IQSEC3: variants seen among roughly 807,000 people sequenced by gnomAD.
The protein encoded by IQSEC3 is IQ motif and SEC7 domain-containing protein 3.
A neutral mutation model predicts 105.4 loss-of-function variants in IQSEC3; 50 were observed. That is an observed-to-expected ratio of 0.47 (90% CI 0.38 to 0.60). IQSEC3 has a LOEUF of 0.60. Ranked by LOEUF, IQSEC3 falls within the 20% of genes least tolerant of loss-of-function variation. IQSEC3 has a pLI of 0.00. For missense variants in IQSEC3, 1,415 were observed against 1,630.0 expected (o/e 0.87, Z 2.27); for synonymous variants, 708 against 746.0 (o/e 0.95, Z 0.83).
chr12:160,392 A>T (rs1398681188), intron 7 of IQSEC3, among the ~76,000 whole-genome samples: 4 of 151,962 alleles, frequency 2.6e-5, no homozygotes, highest in African/African-American at 7.3e-5. Context: ...GTATCTGGAG[A>T]TATTTTTTTC....
rs556246768 is a variant in IQSEC3 at position 151,579 on chromosome 12, A to G, written c.2154-5446A>G. On this transcript the variant is annotated intron_variant, in intron 5 of 13. Transcript: ENST00000538872. Reference sequence around the variant, plus strand: ...CTCTGCCATTCATTTTCTCTCCAACAGCCAGGGAAATCTTCTTAGAACAAA... The same window carrying G: ...CTCTGCCATTCATTTTCTCTCCAACGGCCAGGGAAATCTTCTTAGAACAAA... 9.0e-4 allele frequency among the ~76,000 whole-genome samples: 137 copies of G among 152,134 alleles called. 1 individual carries two copies. The highest frequency in any genetic ancestry group is 1.6e-3 in the Non-Finnish European group (111 of 68,018).
intron 1 of IQSEC3, among the ~76,000 whole-genome samples, chr12:90,066 C>T (rs1555072998): frequency 2.0e-5 from 3 of 152,236 alleles, no homozygotes; most frequent in African/African-American, 7.2e-5. Flanking sequence ...GTGCTCCGCA[C>T]CCTTGTCAAC....
intron 1 of IQSEC3, among the ~76,000 whole-genome samples, chr12:86,623 G>A (rs782036978): frequency 8.5e-5 from 13 of 152,102 alleles, no homozygotes; most frequent in Admixed American, 2.0e-4. Context: ...TAGCAAAGAC[G>A]GACTTTGAAC....
At chr12:80,512 TC>T (rs1196463273) in intron 1 of IQSEC3, among the ~76,000 whole-genome samples, 1 of 152,228 alleles carries the variant, frequency 6.6e-6, no homozygotes, top group Non-Finnish European at 1.5e-5. Flanking sequence ...AGTTCTTTAT[TC>T]TTGTGGCTTA....
intron 9 of IQSEC3, 49 bp downstream of exon 9, chr12:163,668 C>A: frequency 1.8e-6 from 2 of 1,081,444 alleles, no homozygotes; most frequent in Non-Finnish European, 2.9e-6. Context: ...CTGCCTCTGC[C>A]GCCCTGGTCA....
intron 2 of IQSEC3, among the ~76,000 whole-genome samples, chr12:112,697 G>GA (rs1160452303): frequency 6.6e-6 from 1 of 152,170 alleles, no homozygotes; most frequent in Non-Finnish European, 1.5e-5. Context: ...GATTCTGTAA[G>GA]AAGGCATTCT....
chr12:78,964 C>T (rs1863652550), intron 1 of IQSEC3, among the ~76,000 whole-genome samples: 1 of 152,216 alleles, frequency 6.6e-6, no homozygotes, highest in Non-Finnish European at 1.5e-5. Context: ...AGGACTCCTT[C>T]CCTGTTTGAC....
chr12:114,629 A>C (rs1404614979), intron 2 of IQSEC3, among the ~76,000 whole-genome samples: 1 of 152,266 alleles, frequency 6.6e-6, no homozygotes, highest in African/African-American at 2.4e-5. Flanking sequence ...TCTAGACATC[A>C]GGGCAGGAGA....
intron 2 of IQSEC3, among the ~76,000 whole-genome samples, chr12:107,313 G>A (rs1864687894): frequency 6.6e-6 from 1 of 151,422 alleles, no homozygotes; most frequent in South Asian, 2.1e-4. Context: ...AGATACGTTA[G>A]TCTCCCTATT....
At chr12:170,374 G>GT (rs34894965) in intron 12 of IQSEC3, among the ~76,000 whole-genome samples, 108,067 of 152,106 alleles carry the variant, frequency 0.71, 40,524 homozygotes, top group East Asian at 0.99. Context: ...CCAGGGACGT[G>GT]TCCCTTAGTC....
At chr12:118,895 C>T (rs1161099732) in intron 2 of IQSEC3, among the ~76,000 whole-genome samples, 4 of 152,230 alleles carry the variant, frequency 2.6e-5, no homozygotes, top group African/African-American at 9.6e-5. Context: ...AGGCTCACTA[C>T]CCCGAGTCAG....
intron 2 of IQSEC3, among the ~76,000 whole-genome samples, chr12:102,132 A>G (rs1285741840): frequency 9.1e-6 from 1 of 109,696 alleles, no homozygotes; most frequent in African/African-American, 3.6e-5. Flanking sequence ...CTCCCCCGTC[A>G]GTCTGGCTCC....
intron 2 of IQSEC3, among the ~76,000 whole-genome samples, chr12:117,920 G>T (rs1188559345): frequency 3.9e-5 from 6 of 152,202 alleles, no homozygotes; most frequent in Non-Finnish European, 7.3e-5. Flanking sequence ...GTGTCACTGG[G>T]AGCTGAAGTT....
rs1353482723 is a variant in IQSEC3 at position 174,879 on chromosome 12, C to T, written c.3395C>T (p.Thr1132Ile). 4 of 1,574,890 alleles carry T rather than the reference C, an allele frequency of 2.5e-6. No individual in the cohort carries two copies. The highest frequency in any genetic ancestry group is 1.7e-5 in the Admixed American group (1 of 57,344). Residue 1132 changes from threonine to isoleucine, a missense_variant, in exon 14 of 14, where the codon ACA (threonine) becomes ATA (isoleucine). Physicochemically the swap from Thr to Ile is moderately conservative, Grantham distance 89. Transcript: ENST00000538872. ...TCGTCCTCTGACTCCTGCGGCTCCA[C>T]ACCCCTGGGCGGTCCCGGCTCTCCG... ...TSSSSDSCGS[T>I]PLGGPGSPVK...
chr12:141,454 C>G, intron 5 of IQSEC3, 169 bp downstream of exon 5: 1 of 663,770 alleles, frequency 1.5e-6, no homozygotes, highest in Non-Finnish European at 2.5e-6. Flanking sequence ...CCCAGTGGGC[C>G]GGAGCCCTGT....
At position 138,095 on chromosome 12, in the gene IQSEC3, C is replaced by G. The variant is rs902563190; in HGVS notation, c.904-172C>G. On this transcript the variant is annotated intron_variant, in intron 3 of 13. Transcript: ENST00000538872. This position sits in a 1 kb window ranked among gnomAD's most constrained non-coding sequence, Gnocchi z 7.1. The stretch of plus-strand genomic sequence containing the variant: ...TCCTACACCTCTAGGAGTCTTGCCA[C>G]GTGGCCAGGACGTTCTAGGCGGTTC... 6.6e-6 allele frequency among the ~76,000 whole-genome samples: 1 copy of G among 152,138 alleles called. No individual in the cohort carries two copies. Among genetic ancestry groups the G allele is most frequent in the Non-Finnish European group, 1.5e-5 (1 of 68,014 alleles).
chr12:146,036 G>T (rs929417707), intron 5 of IQSEC3, among the ~76,000 whole-genome samples: 1 of 152,196 alleles, frequency 6.6e-6, no homozygotes, highest in African/African-American at 2.4e-5. Context: ...GACATATCAG[G>T]GTTTGACGTT....
chr12:163,210 C>CT lies in IQSEC3; in HGVS notation c.2584-284_2584-283insT, dbSNP rs1555096890. On this transcript the variant is annotated intron_variant, in intron 8 of 13. Transcript: ENST00000538872. Reference sequence around the variant, plus strand: ...CTCCACAGAACCGGAGCCCTCCCCTCCCCCTCCACAGAACCGGACCCCTCC... The same window carrying CT: ...CTCCACAGAACCGGAGCCCTCCCCTCTCCCCTCCACAGAACCGGACCCCTCC... 2.6e-4 allele frequency among the ~76,000 whole-genome samples: 26 copies of CT among 99,474 alleles called. No individual in the cohort carries two copies. In the East Asian group the frequency reaches 5.4e-3, roughly 20 times the overall value. The allele number at this position is 99,474 out of a possible 152,430, so 65.3% of individuals were successfully genotyped here. A position where few individuals can be genotyped will look rare whatever the true frequency, so the allele number is the denominator to read the frequency against.
chr12:76,929 G>A (rs1215279990), intron 1 of IQSEC3, among the ~76,000 whole-genome samples: 13 of 152,246 alleles, frequency 8.5e-5, no homozygotes, highest in African/African-American at 3.1e-4. Context: ...AATCAGGAAT[G>A]CACGCCCCAT....
Sources: gnomAD v4.1 joint callset for allele counts (sites outside exome capture counted in the v4.1 genomes callset) on GRCh38, gnomAD v4.1.1 for gene constraint, Gnocchi (gnomAD v3.1) non-coding constraint, MANE v1.5 for transcripts, NCBI Gene and HGNC (gene_info 2026-07-23, HGNC 2026-07-21) for gene names.